Variants in ZMYND15 observed in about 807,000 individuals in gnomAD.
ZMYND15 encodes zinc finger MYND-type containing 15.
Under a neutral mutation model 81.7 loss-of-function variants are expected in ZMYND15, and 54 were observed. The observed-to-expected ratio is 0.66, with a 90% CI of 0.53 to 0.83. The LOEUF (loss-of-function observed/expected upper bound fraction) is 0.83. ZMYND15 is among the 40% of genes least tolerant of loss of function. The pLI is 0.00. For synonymous variants in ZMYND15, 399 were observed against 387.0 expected (o/e 1.03, Z -0.36); for missense variants, 925 against 973.5 (o/e 0.95, Z 0.66).
chr17:4,745,344 CG>C lies in ZMYND15; in HGVS notation c.2027del (p.Arg676ProfsTer70), dbSNP rs1240237931. 1 of 1,609,060 alleles carries C rather than the reference CG, an allele frequency of 6.2e-7. No homozygotes were observed. Among genetic ancestry groups the C allele is most frequent in the Non-Finnish European group, 8.5e-7 (1 of 1,177,952 alleles). ...GCCCAACCCCTTCCGCTCCCCCTTT[CG>C]CCTCAGAGCGGCCGACAACTGCATG... Reference protein sequence around the residue: ...PQPNPFRSPFRLRAADNCMSW... With the variant: ...PQPNPFRSPFXLRAADNCMSW... On this transcript the variant is annotated frameshift_variant, in exon 13 of 14. Transcript: ENST00000433935. LOFTEE classifies it high-confidence loss of function. This position sits in a 1 kb window ranked among gnomAD's most constrained non-coding sequence, Gnocchi z 5.2.
rs1048050911 is a variant in ZMYND15, at chr17:4,743,076, C to T, written c.1145-227C>T. 6.6e-6 allele frequency among the ~76,000 whole-genome samples: 1 copy of T among 151,890 alleles called. No homozygotes were observed. Among genetic ancestry groups the T allele is most frequent in the Non-Finnish European group, 1.5e-5 (1 of 67,970 alleles). On this transcript the variant is annotated intron_variant, in intron 5 of 13. Transcript: ENST00000433935. This position sits in a 1 kb window ranked among gnomAD's most constrained non-coding sequence, Gnocchi z 4.3. ...CTGGGCAACATAGACTCTGTCTCTA[C>T]AAAAAATAGAAAAAATTAGTCAGGC...
Position 4,743,317 on chromosome 17 carries a change from A to G in ZMYND15, c.1159A>G (p.Thr387Ala), listed in dbSNP as rs1776439591. 1 of 1,613,462 alleles carries G rather than the reference A, an allele frequency of 6.2e-7. No individual in the cohort carries two copies. The highest frequency in any genetic ancestry group is 1.3e-5 in the African/African-American group (1 of 74,722). Residue 387 changes from threonine to alanine, a missense_variant, in exon 6 of 14, where the codon ACC becomes GCC. Physicochemically the swap from Thr to Ala is moderately conservative, Grantham distance 58. Transcript: ENST00000433935. The surrounding 1 kb of genome is among the most constrained non-coding windows in gnomAD (Gnocchi z 4.3). ...TCCTTCTCCAGAGGTGACCAGTGAA[A>G]CCTTCAACAAAGAGGCCTTCCTGGC... The part of the protein sequence containing the change: ...FTYTAEVTSE[T>A]FNKEAFLASR...
In ZMYND15 at chr17:4,742,023, C is replaced by T. The variant is rs752336565; in HGVS notation, c.936C>T (p.Thr312=). 41 of 1,614,096 alleles carry T rather than the reference C, an allele frequency of 2.5e-5. No homozygotes were observed. The highest frequency in any genetic ancestry group is 3.4e-5 in the Non-Finnish European group (40 of 1,180,056). Residue 312 remains threonine, a synonymous_variant, in exon 4 of 14, where the codon ACC becomes ACT. Transcript: ENST00000433935. ...GFTFASLRAR[T]CHVCHRHSFE... is the part of the protein sequence containing the mutation. ...CCTTTGCTTCCCTTCGTGCTCGAAC[C>T]TGCCATGTGTGTCACAGGCACAGCT... is the stretch of plus-strand genomic sequence containing the variant.
chr17:4,742,367 T>C lies in ZMYND15; in HGVS notation c.1020T>C (p.Ala340=), dbSNP rs774814064. ...QCSAVLYCGE[A]CLRADWQRCP... ...GTGCTGTCTTGTATTGTGGAGAGGC[T>C]TGTCTCCGGGCTGACTGGCAGCGGT... Residue 340 remains alanine (A), a synonymous_variant, in exon 5 of 14, where the codon GCT becomes GCC. Transcript: ENST00000433935. 1 of 1,614,146 alleles carries C rather than the reference T, an allele frequency of 6.2e-7. No homozygotes were observed. The highest frequency in any genetic ancestry group is 1.1e-5 in the South Asian group (1 of 91,088).
At chr17:4,741,277 G>A in intron 2 of ZMYND15, 137 bp downstream of exon 2, 1 of 1,049,894 alleles carries the variant, frequency 9.5e-7, no homozygotes, top group South Asian at 2.6e-5. Context: ...ACCCACAGTG[G>A]GGTTTTTTTT....
rs768159111 is a variant in ZMYND15, at chr17:4,743,280, C to G, written c.1145-23C>G. ...CTGGGGTTCTAGCCCAGCACCTCAA[C>G]TCCTCCCCTTCTCCTTCTCCAGAGG... is the stretch of plus-strand genomic sequence containing the variant. On this transcript the variant is annotated intron_variant, in intron 5 of 13. Coordinates refer to ENST00000433935, the MANE Select transcript of ZMYND15 (RefSeq NM_001136046.3). This position sits in a 1 kb window ranked among gnomAD's most constrained non-coding sequence, Gnocchi z 4.3. The G allele has an allele frequency of 3.8e-6, 6 of 1,599,666 alleles. No homozygotes were observed. In the South Asian group the frequency reaches 6.7e-5, roughly 18 times the overall value.
chr17:4,743,721 T>C lies in ZMYND15; in HGVS notation c.1298-46T>C. On this transcript the variant is annotated intron_variant, in intron 6 of 13. Transcript: ENST00000433935. The surrounding 1 kb of genome is among the most constrained non-coding windows in gnomAD (Gnocchi z 4.3). ...GGAAGGAAGAAAGAGATGGGTCAGG[T>C]GGGGGTCTCCCTGACCCCAGGCCCC... 6.4e-7 allele frequency: 1 copy of C among 1,553,946 alleles called. No individual in the cohort carries two copies. The highest frequency in any genetic ancestry group is 8.8e-7 in the Non-Finnish European group (1 of 1,138,570).
Position 4,743,595 on chromosome 17 carries a change from C to T in ZMYND15, c.1297+140C>T, listed in dbSNP as rs139422175. The T allele has an allele frequency of 4.2e-5, 58 of 1,366,428 alleles. No individual in the cohort carries two copies. In the Admixed American group the frequency reaches 1.3e-3, roughly 30 times the overall value. 84.6% of individuals were successfully genotyped at this position (1,366,428 alleles called of 1,614,324 possible). A position where few individuals can be genotyped will look rare whatever the true frequency, so the allele number is the denominator to read the frequency against. On this transcript the variant is annotated intron_variant, in intron 6 of 13. Transcript: ENST00000433935. The surrounding 1 kb of genome is among the most constrained non-coding windows in gnomAD (Gnocchi z 4.3). ...CAGGGCCATTTCAGGCCTTTCCCAG[C>T]CCTCAATGGAATCACCCCTACCAAC...
At chr17:4,742,674 G>A (rs536005568) in intron 5 of ZMYND15, among the ~76,000 whole-genome samples, 183 bp downstream of exon 5, 3 of 152,272 alleles carry the variant, frequency 2.0e-5, no homozygotes, top group South Asian at 4.1e-4. Flanking sequence ...TGAAGCCGAG[G>A]CCTGAGTGTC....
chr17:4,743,825 A>C lies in ZMYND15; in HGVS notation c.1356A>C (p.Pro452=), dbSNP rs1273143887. Residue 452 remains proline, a synonymous_variant, in exon 7 of 14, where the codon CCA becomes CCC. Transcript: ENST00000433935. The surrounding 1 kb of genome is among the most constrained non-coding windows in gnomAD (Gnocchi z 4.3). ...CTGCCCTGATGCCTCCTGTGCCCCC[A>C]CATCCACCCCGGGGTGTTTTTGGTG... ...DGTALMPPVP[P]HPPRGVFGSW... 3.7e-6 allele frequency: 6 copies of C among 1,613,598 alleles called. No individual in the cohort carries two copies. The East Asian group carries it at 1.3e-4, about 36-fold the overall frequency.
chr17:4,745,725 C>T lies in ZMYND15; in HGVS notation c.2058-94C>T, dbSNP rs1567700410. 1 of 603,200 alleles carries T rather than the reference C, an allele frequency of 1.7e-6. No individual in the cohort carries two copies. Among genetic ancestry groups the T allele is most frequent in the Non-Finnish European group, 2.5e-6 (1 of 395,214 alleles). The allele number at this position is 603,200 out of a possible 1,614,324, so 37.4% of individuals were successfully genotyped here. On this transcript the variant is annotated intron_variant, in intron 13 of 13. Transcript: ENST00000433935. This position sits in a 1 kb window ranked among gnomAD's most constrained non-coding sequence, Gnocchi z 5.2. ...GCCCGGTGGAGCCCCGCCCCCTGGT[C>T]CCTGACCGCGCCCCTGGGAGCCCCG... is the stretch of plus-strand genomic sequence containing the variant.
chr17:4,743,415 C>T lies in ZMYND15; in HGVS notation c.1257C>T (p.His419=). The T allele has an allele frequency of 1.9e-6, 3 of 1,609,544 alleles. No individual in the cohort carries two copies. The highest frequency in any genetic ancestry group is 2.6e-6 in the Non-Finnish European group (3 of 1,175,558). The stretch of plus-strand genomic sequence containing the variant: ...TTCCAGGCCCGGGCTTCTCCAGACA[C>T]CCCCGAGGCAACACGCCATCCCTCA... ...MLIPGPGFSR[H]PRGNTPSLSL... Residue 419 remains histidine (H), a synonymous_variant, in exon 6 of 14, where the codon CAC becomes CAT. Coordinates refer to ENST00000433935, the MANE Select transcript of ZMYND15 (RefSeq NM_001136046.3). The surrounding 1 kb of genome is among the most constrained non-coding windows in gnomAD (Gnocchi z 4.3).
At chr17:4,741,520 G>A in intron 2 of ZMYND15, 62 bp from the exon 3 acceptor site, 1 of 1,586,530 alleles carries the variant, frequency 6.3e-7, no homozygotes, top group Non-Finnish European at 8.6e-7. Context: ...TGGTACTCCT[G>A]ACCCTGACCA....
rs752558007 is a variant in ZMYND15 at position 4,741,899 on chromosome 17, C to G, written c.828-16C>G. On this transcript the variant is annotated splice_polypyrimidine_tract_variant and intron_variant, in intron 3 of 13. Transcript: ENST00000433935. ...CTCCTCCAGCCTGATGCCATCTCCC[C>G]CCCAACTGCATTTAGAGAGCTGGAG... is the stretch of plus-strand genomic sequence containing the variant. 1.2e-6 allele frequency: 2 copies of G among 1,611,854 alleles called. No homozygotes were observed. Among genetic ancestry groups the G allele is most frequent in the African/African-American group, 2.7e-5 (2 of 74,912 alleles).
chr17:4,741,587 G>C lies in ZMYND15; in HGVS notation c.598G>C (p.Ala200Pro). The C allele has an allele frequency of 2.5e-6, 4 of 1,613,890 alleles. No homozygotes were observed. In the South Asian group the frequency reaches 4.4e-5, roughly 18 times the overall value. The change falls in exon 3 of 14, where the codon GCC becomes CCC. Residue 200 changes from alanine (A) to proline (P), a missense_variant. Physicochemically the swap from Ala to Pro is conservative, Grantham distance 27. Transcript: ENST00000433935. ...QKRKGQRSEAAPLHVSCLLLV... is the reference protein window; with the variant it reads ...QKRKGQRSEAPPLHVSCLLLV... The stretch of plus-strand genomic sequence containing the variant: ...ACTTTTCCCTCTTTCCCCAGAGGCT[G>C]CCCCCCTGCACGTTTCCTGTCTCTT...
chr17:4,741,829 G>A lies in ZMYND15; in HGVS notation c.827+13G>A. On this transcript the variant is annotated intron_variant, in intron 3 of 13. Coordinates refer to ENST00000433935, the MANE Select transcript of ZMYND15 (RefSeq NM_001136046.3). ...CCCGGCTGCATCGGTATAGAAATCT[G>A]GTATCTGAGGCTGGGGAGGACTCGG... 1 of 1,575,700 alleles carries A rather than the reference G, an allele frequency of 6.3e-7. No individual in the cohort carries two copies. Among genetic ancestry groups the A allele is most frequent in the South Asian group, 1.2e-5 (1 of 85,684 alleles).
chr17:4,740,449 A>G, intron 1 of ZMYND15, 70 bp from the exon 2 acceptor site: 2 of 1,435,068 alleles, frequency 1.4e-6, no homozygotes, highest in South Asian at 1.6e-5. Flanking sequence ...CTCTCCCTCA[A>G]TTTGTGACCC....
Position 4,745,270 on chromosome 17 carries a change from A to G in ZMYND15, c.1952A>G (p.Asp651Gly), listed in dbSNP as rs1301010242. ...AGCAGCGAGTACAGCTGTGTGATGG[A>G]CGGCCAGACCATGGCGGTGGCCACT... ...TESSEYSCVM[D>G]GQTMAVATGG... The change falls in exon 13 of 14, where the codon GAC becomes GGC. Residue 651 changes from aspartate (D) to glycine (G), a missense_variant. Transcript: ENST00000433935. The surrounding 1 kb of genome is among the most constrained non-coding windows in gnomAD (Gnocchi z 5.2). The G allele has an allele frequency of 1.2e-6, 2 of 1,613,120 alleles. No individual in the cohort carries two copies. The highest frequency in any genetic ancestry group is 1.7e-6 in the Non-Finnish European group (2 of 1,179,848).
intron 5 of ZMYND15, 46 bp downstream of exon 5, chr17:4,742,537 C>A: frequency 1.3e-6 from 2 of 1,599,624 alleles, no homozygotes; most frequent in South Asian, 2.2e-5. Context: ...GGGACCAGGT[C>A]TTTGAGACTG....
Sources: allele counts gnomAD v4.1 joint callset (sites outside exome capture counted in the v4.1 genomes callset), GRCh38; gene constraint gnomAD v4.1.1; non-coding constraint Gnocchi (gnomAD v3.1); transcripts MANE v1.5; gene names NCBI Gene and HGNC (gene_info 2026-07-23, HGNC 2026-07-21).